The following TAMM41 variants were observed in gnomAD, a reference collection of about 807,000 sequenced individuals.
The protein encoded by TAMM41 is TAM41 mitochondrial translocator assembly and maintenance homolog.
In TAMM41, 36 loss-of-function variants were observed where a neutral mutation model predicts 44.1. The observed-to-expected ratio is 0.82, with a 90% confidence interval of 0.63 to 1.08. TAMM41 has a LOEUF of 1.08. Ranked by LOEUF, TAMM41 falls within the 50% of genes least tolerant of loss-of-function variation. The pLI is 0.00. For synonymous variants in TAMM41, 164 were observed against 153.1 expected (o/e 1.07, Z -0.53); for missense variants, 417 against 404.3 (o/e 1.03, Z -0.27).
At chr3:11,782,363 T>G in the TAMM41 span, among the ~76,000 whole-genome samples, 2 of 152,028 alleles carry the variant, frequency 1.3e-5, no homozygotes, top group African/African-American at 2.4e-5. Context: ...CTAGGCAACA[T>G]GGTGAAACCC....
chr3:11,843,877 AT>A (rs2079555667), intron 2 of TAMM41, 151 bp downstream of exon 2: 2 of 766,562 alleles, frequency 2.6e-6, no homozygotes, highest in South Asian at 3.9e-5. Flanking sequence ...AAGAATATAC[AT>A]ACTATAAAAA....
chr3:11,835,665 A>G (rs2079144057), intron 3 of TAMM41, among the ~76,000 whole-genome samples: 1 of 152,248 alleles, frequency 6.6e-6, no homozygotes, highest in Non-Finnish European at 1.5e-5. Flanking sequence ...TTCTAAGCAT[A>G]AAGTATAATA....
the TAMM41 span, among the ~76,000 whole-genome samples, chr3:11,764,476 T>C: frequency 1.4e-5 from 2 of 141,996 alleles, no homozygotes; most frequent in African/African-American, 5.3e-5. Flanking sequence ...CAATGTCCCA[T>C]AATCTTATTC....
chr3:11,826,571 T>C (rs1559306865), intron 4 of TAMM41: 1 of 149,066 alleles, frequency 6.7e-6, no homozygotes, highest in African/African-American at 2.5e-5. Flanking sequence ...GAAGCTATTA[T>C]ACGTATTATC....
chr3:11,723,945 G>A, the TAMM41 span, among the ~76,000 whole-genome samples: 1 of 151,832 alleles, frequency 6.6e-6, no homozygotes, highest in African/African-American at 2.4e-5. Context: ...GTTGATCGTT[G>A]TTGAAGCTGA....
the TAMM41 span, among the ~76,000 whole-genome samples, chr3:11,748,692 C>CT: frequency 6.6e-6 from 1 of 151,888 alleles, no homozygotes; most frequent in African/African-American, 2.4e-5. Context: ...TTTTTGTACT[C>CT]TTAAATGCAG....
At chr3:11,731,055 A>G in the TAMM41 span, among the ~76,000 whole-genome samples, 1 of 152,152 alleles carries the variant, frequency 6.6e-6, no homozygotes, top group South Asian at 2.1e-4. Context: ...TATGCGTTAG[A>G]ACAGCCACAT....
Position 11,836,973 on chromosome 3 carries a change from TAC to T in TAMM41, c.411+2247_411+2248del, listed in dbSNP as rs1196176744. ...AAATGTTTTTAATTAAAGTAAAAGT[TAC>T]AGTGAAGTGCACACATCTTAAGGGT... On this transcript the variant is annotated intron_variant, in intron 3 of 7. Transcript: ENST00000455809. Among the ~76,000 whole-genome samples the T allele has an allele frequency of 1.2e-4, 18 of 152,374 alleles. No homozygotes were observed. The East Asian group carries it at 3.3e-3, about 28-fold the overall frequency.
the TAMM41 span, among the ~76,000 whole-genome samples, chr3:11,758,193 C>T: frequency 6.6e-6 from 1 of 152,172 alleles, no homozygotes; most frequent in African/African-American, 2.4e-5. Context: ...AGAGAGCCCG[C>T]ATCTCAAGGT....
At chr3:11,844,907 A>G (rs1241511737) in intron 1 of TAMM41, 2 of 456,580 alleles carry the variant, frequency 4.4e-6, no homozygotes, top group African/African-American at 2.0e-5. Context: ...CAGCATAGGG[A>G]TCAGATCAGG....
chr3:11,774,207 C>T, the TAMM41 span, among the ~76,000 whole-genome samples: 191 of 152,298 alleles, frequency 1.3e-3, no homozygotes, highest in Non-Finnish European at 2.3e-3. Context: ...TCTTGTTCTC[C>T]GACTCTATGA....
chr3:11,841,073 ATTTTTTTT>A (rs141805597), intron 2 of TAMM41, among the ~76,000 whole-genome samples: 11 of 83,964 alleles, frequency 1.3e-4, no homozygotes, highest in African/African-American at 2.2e-4. Context: ...GCCCATTTCT[ATTTTTTTT>A]TTTTTTTTTT....
intron 4 of TAMM41, among the ~76,000 whole-genome samples, chr3:11,819,038 CT>C (rs2078404225): frequency 6.6e-6 from 1 of 152,050 alleles, no homozygotes; most frequent in Non-Finnish European, 1.5e-5. Context: ...GTTTTTGTCA[CT>C]ATTATTTTGA....
chr3:11,723,590 AAAAAAC>A, the TAMM41 span, among the ~76,000 whole-genome samples: 1 of 151,728 alleles, frequency 6.6e-6, no homozygotes, highest in South Asian at 2.1e-4. Flanking sequence ...CAAAAAAAAA[AAAAAAC>A]AAAAACAAAA....
chr3:11,734,252 G>A, the TAMM41 span, among the ~76,000 whole-genome samples: 1 of 152,030 alleles, frequency 6.6e-6, no homozygotes, highest in Non-Finnish European at 1.5e-5. Context: ...AGAGATGAAA[G>A]GTGATCCTTA....
the TAMM41 span, among the ~76,000 whole-genome samples, chr3:11,735,062 A>C: frequency 6.7e-6 from 1 of 148,832 alleles, no homozygotes; most frequent in South Asian, 2.1e-4. Context: ...AAAAAAAAAA[A>C]CAAAAAGCAA....
At chr3:11,734,938 A>G in the TAMM41 span, among the ~76,000 whole-genome samples, 1 of 150,552 alleles carries the variant, frequency 6.6e-6, no homozygotes. Flanking sequence ...CGTCCCAGCT[A>G]TTCGGGGGGC....
the TAMM41 span, among the ~76,000 whole-genome samples, chr3:11,730,942 G>A: frequency 6.6e-6 from 1 of 152,128 alleles, no homozygotes; most frequent in Non-Finnish European, 1.5e-5. Context: ...TTGCTGATAC[G>A]TTGGTATTGG....
chr3:11,800,441 AAAT>A (rs1268961855), intron 7 of TAMM41, among the ~76,000 whole-genome samples: 2 of 152,138 alleles, frequency 1.3e-5, no homozygotes, highest in Non-Finnish European at 2.9e-5. Flanking sequence ...GTGAAGACAC[AAAT>A]AGACTGAAAG....
Sources: allele counts gnomAD v4.1 joint callset (sites outside exome capture counted in the v4.1 genomes callset), GRCh38; gene constraint gnomAD v4.1.1; transcripts MANE v1.5; gene names NCBI Gene and HGNC (gene_info 2026-07-23, HGNC 2026-07-21).